Variants in CDHR2 observed in about 807,000 individuals in gnomAD.
The protein encoded by CDHR2 is cadherin-related family member 2.
CDHR2 carries 104 observed loss-of-function variants against 138.6 expected under a neutral mutation model. That is an observed-to-expected ratio of 0.75 (90% CI 0.64 to 0.88). The LOEUF is 0.88. Among genes scored for constraint, CDHR2 ranks in the 40% least tolerant of loss-of-function variants. The pLI is 0.00. For missense variants in CDHR2, 1,624 were observed against 1,727.6 expected (o/e 0.94, Z 1.06); for synonymous variants, 755 against 742.8 (o/e 1.02, Z -0.27).
intron 16 of CDHR2, among the ~76,000 whole-genome samples, chr5:176,580,992 A>G (rs943294554): frequency 2.0e-5 from 3 of 149,366 alleles, no homozygotes; most frequent in East Asian, 2.0e-4. Flanking sequence ...TTTGTCTACA[A>G]TTTCCTGCCC....
rs151045084 is a variant in CDHR2 at position 176,565,391 on chromosome 5, C to T, written c.39C>T (p.Ala13=). The T allele has an allele frequency of 1.1e-4, 174 of 1,613,970 alleles. No individual in the cohort carries two copies. Among genetic ancestry groups the T allele is most frequent in the Non-Finnish European group, 1.4e-4 (165 of 1,179,984 alleles). ...GGCTGTCCTGCTTCCTCCTTCCTGC[C>T]CTCGTGGTGTCTGGTAGGTGTCTCC... The part of the protein sequence containing the change: ...QLWLSCFLLP[A]LVVSVAANVA... The change falls in exon 2 of 32, where the codon GCC becomes GCT. Residue 13 remains alanine (A), a synonymous_variant. Coordinates refer to ENST00000261944, the MANE Select transcript of CDHR2 (RefSeq NM_017675.6).
chr5:176,592,332 G>C (rs2113336263), intron 30 of CDHR2, among the ~76,000 whole-genome samples: 1 of 143,964 alleles, frequency 6.9e-6, no homozygotes, highest in African/African-American at 2.6e-5. Flanking sequence ...TTGGTGTTGA[G>C]GTGATGGTGG....
At position 176,575,731 on chromosome 5, in the gene CDHR2, G is replaced by A. The variant is rs770979823; in HGVS notation, c.852G>A (p.Thr284=). ...DPVIYSISYS[T]RPGWFDIGAD... Reference sequence around the variant, plus strand: ...CGCCTTTCTCCTTGCCAGACTCCACGCGGCCCGGCTGGTTTGACATCGGGG... The same window carrying A: ...CGCCTTTCTCCTTGCCAGACTCCACACGGCCCGGCTGGTTTGACATCGGGG... The change falls in exon 11 of 32, where the codon ACG becomes ACA. Residue 284 remains threonine, a synonymous_variant. Coordinates refer to ENST00000261944, the MANE Select transcript of CDHR2 (RefSeq NM_017675.6). 1.3e-5 allele frequency: 20 copies of A among 1,577,260 alleles called. No individual in the cohort carries two copies. Among genetic ancestry groups the A allele is most frequent in the Middle Eastern group, 1.7e-4 (1 of 6,044 alleles).
chr5:176,595,911 A>G (rs896978489), downstream of CDHR2: 18 of 400,612 alleles, frequency 4.5e-5, no homozygotes, highest in Admixed American at 4.4e-5. Flanking sequence ...TTGGGCTCAC[A>G]GCACAGGGGG....
At position 176,553,406 on chromosome 5, in the gene CDHR2, G is replaced by T. The variant is rs1757753001; in HGVS notation, c.-16+3992G>T. 6.6e-6 allele frequency among the ~76,000 whole-genome samples: 1 copy of T among 152,150 alleles called. No individual in the cohort carries two copies. Among genetic ancestry groups the T allele is most frequent in the Admixed American group, 6.5e-5 (1 of 15,272 alleles). On this transcript the variant is annotated intron_variant, in intron 1 of 31. Transcript: ENST00000261944. This position sits in a 1 kb window ranked among gnomAD's most constrained non-coding sequence, Gnocchi z 4.3. ...CTTGCCAGTTCCCATTTTCCTCTGG[G>T]ACTGGGAGGAGGGACCCTGAGGGCA...
intron 31 of CDHR2, among the ~76,000 whole-genome samples, chr5:176,594,263 C>T (rs1758963080): frequency 6.6e-6 from 1 of 152,200 alleles, no homozygotes; most frequent in Non-Finnish European, 1.5e-5. Context: ...ACCCTGTCTC[C>T]TGCAGCAGTG....
At chr5:176,575,604 C>T in intron 10 of CDHR2, 23 bp downstream of exon 10, 11 of 1,612,804 alleles carry the variant, frequency 6.8e-6, no homozygotes, top group Non-Finnish European at 9.3e-6. Context: ...TGTCCCCAGG[C>T]CAGGGCTGGG....
rs1757510519 is a variant in CDHR2, at chr5:176,543,551, G to C, written c.-16+782G>C. The C allele has an allele frequency of 6.6e-6, 1 of 152,236 alleles. No homozygotes were observed. Among genetic ancestry groups the C allele is most frequent in the Non-Finnish European group, 1.5e-5 (1 of 68,078 alleles). 9.4% of individuals were successfully genotyped at this position (152,236 alleles called of 1,614,324 possible). ...CGCCCGCCCAGCGTCAGTCGGCCAG[G>C]GGTGCGTAAGGGCGCGGCGCCTGGG... On this transcript the variant is annotated intron_variant, in intron 1 of 31. Coordinates refer to the CDHR2 transcript ENST00000510636. This position sits in a 1 kb window ranked among gnomAD's most constrained non-coding sequence, Gnocchi z 4.0.
At position 176,565,356 on chromosome 5, in the gene CDHR2, GC is replaced by G. The variant is rs757598065; in HGVS notation, c.7del (p.Gln3SerfsTer25). 1 of 1,613,994 alleles carries G rather than the reference GC, an allele frequency of 6.2e-7. No homozygotes were observed. Among genetic ancestry groups the G allele is most frequent in the Non-Finnish European group, 8.5e-7 (1 of 1,179,894 alleles). M[A>X]QLWLSCFLLP... ...CCCTTAGGTCCCTGCGGATGTGATG[GC>G]CCAGCTATGGCTGTCCTGCTTCCTC... On this transcript the variant is annotated frameshift_variant, in exon 2 of 32. Transcript: ENST00000261944. LOFTEE classifies it high-confidence loss of function.
rs948206774 is a variant in CDHR2 at position 176,590,491 on chromosome 5, T to C, written c.3414+6T>C. The C allele has an allele frequency of 1.9e-6, 3 of 1,613,550 alleles. No individual in the cohort carries two copies. The African/African-American group carries it at 4.0e-5, about 22-fold the overall frequency. On this transcript the variant is annotated splice_donor_region_variant and intron_variant, in intron 27 of 31. Coordinates refer to ENST00000261944, the MANE Select transcript of CDHR2 (RefSeq NM_017675.6). ...AGCTGGGGCTGGTGGTGCTGGTGAG[T>C]GCGGGCAGGGCGGGGCAGCAGGTGG...
chr5:176,593,069 A>C (rs994283366), intron 31 of CDHR2, among the ~76,000 whole-genome samples: 1 of 152,236 alleles, frequency 6.6e-6, no homozygotes, highest in East Asian at 1.9e-4. Context: ...AAGGGCAGGC[A>C]TAAGAACCAC....
intron 3 of CDHR2, chr5:176,566,969 C>T (rs753228890): frequency 1.1e-5 from 5 of 456,092 alleles, no homozygotes; most frequent in Non-Finnish European, 2.2e-5. Flanking sequence ...CCAGGAATGT[C>T]GAAAGCTGCC....
chr5:176,556,046 C>T (rs905097864), intron 1 of CDHR2, among the ~76,000 whole-genome samples: 5 of 152,204 alleles, frequency 3.3e-5, no homozygotes, highest in African/African-American at 1.2e-4. Context: ...CCCATGATTC[C>T]CCACCTCTCT....
intron 16 of CDHR2, among the ~76,000 whole-genome samples, chr5:176,578,827 G>A (rs1331357911): frequency 2.6e-5 from 4 of 152,146 alleles, no homozygotes; most frequent in Non-Finnish European, 5.9e-5. Context: ...TCAGCACTGG[G>A]CCTGCCAGAG....
Position 176,592,083 on chromosome 5 carries a change from G to C in CDHR2, c.3734+599G>C, listed in dbSNP as rs557591034. ...TCATGGTAGTGGTGGCAGTTATCGT[G>C]GTGGTGGTGGTGATGGTGGTGGTGA... On this transcript the variant is annotated intron_variant, in intron 30 of 31. Transcript: ENST00000261944. 7.6e-5 allele frequency among the ~76,000 whole-genome samples: 9 copies of C among 117,764 alleles called. No homozygotes were observed. The East Asian group carries it at 2.0e-3, about 26-fold the overall frequency. 77.3% of individuals were successfully genotyped at this position (117,764 alleles called of 152,430 possible). A position where few individuals can be genotyped will look rare whatever the true frequency, so the allele number is the denominator to read the frequency against.
intron 1 of CDHR2, among the ~76,000 whole-genome samples, chr5:176,563,181 C>T (rs761979477): frequency 5.3e-5 from 8 of 152,130 alleles, no homozygotes; most frequent in Non-Finnish European, 8.8e-5. Flanking sequence ...AACCCCGTCT[C>T]CACTAAAAAT....
intron 1 of CDHR2, among the ~76,000 whole-genome samples, chr5:176,561,579 C>T (rs1406965223): frequency 6.6e-6 from 1 of 151,432 alleles, no homozygotes. Context: ...GCGGAGGAGG[C>T]AGTTTCTCCT....
chr5:176,575,931 G>A (rs747499456), intron 11 of CDHR2, 21 bp from the exon 12 acceptor site: 3 of 1,603,338 alleles, frequency 1.9e-6, no homozygotes, highest in South Asian at 2.2e-5. Context: ...TCTGCCCTCT[G>A]CCCTCTGCTC....
rs369220365 is a variant in CDHR2, at chr5:176,584,367, G to A, written c.2129-43G>A. The stretch of plus-strand genomic sequence containing the variant: ...GGCAAGGGCAGAGGAGGCTTCCGAT[G>A]GCGGGGTCAGGAGTCCTTCTGAGCT... On this transcript the variant is annotated intron_variant, in intron 18 of 31. Transcript: ENST00000261944. 5.9e-4 allele frequency: 953 copies of A among 1,608,102 alleles called. 1 individual carries two copies. Among genetic ancestry groups the A allele is most frequent in the Middle Eastern group, 1.2e-3 (7 of 6,030 alleles).
Sources: allele counts gnomAD v4.1 joint callset (sites outside exome capture counted in the v4.1 genomes callset), GRCh38; gene constraint gnomAD v4.1.1; non-coding constraint Gnocchi (gnomAD v3.1); transcripts MANE v1.5; gene names NCBI Gene and HGNC (gene_info 2026-07-23, HGNC 2026-07-21).